MYCBP2: variants seen among roughly 807,000 people sequenced by gnomAD.
MYCBP2 encodes the protein E3 ubiquitin-protein ligase MYCBP2.
MYCBP2 carries 120 observed loss-of-function variants against 525.3 expected under a neutral mutation model. The ratio of observed to expected loss-of-function variants is 0.23; its 90% confidence interval spans 0.20 to 0.27. The LOEUF is 0.27. Among genes scored for constraint, MYCBP2 ranks in the 10% least tolerant of loss-of-function variants. The pLI is 1.00. For synonymous variants in MYCBP2, 1,894 were observed against 1,955.8 expected (o/e 0.97, Z 0.83); for missense variants, 4,149 against 5,657.1 (o/e 0.73, Z 8.55).
chr13:77,113,469 A>G (rs894021218), intron 55 of MYCBP2, among the ~76,000 whole-genome samples: 2 of 152,138 alleles, frequency 1.3e-5, no homozygotes, highest in Admixed American at 1.3e-4. Flanking sequence ...TAGATACTTA[A>G]CAAAAGCAGG....
chr13:77,146,407 A>G (rs2055560762), intron 47 of MYCBP2, among the ~76,000 whole-genome samples, 190 bp from the exon 48 acceptor site: 1 of 151,752 alleles, frequency 6.6e-6, no homozygotes, highest in African/African-American at 2.4e-5. Context: ...ATCCAAAAGT[A>G]AACACCAAAA....
intron 81 of MYCBP2, 59 bp from the exon 82 acceptor site, chr13:77,051,221 T>A: frequency 6.8e-7 from 1 of 1,470,228 alleles, no homozygotes; most frequent in Non-Finnish European, 9.2e-7. Flanking sequence ...CAATCACACT[T>A]AAGATAGGCA....
chr13:77,064,841 G>T, intron 72 of MYCBP2, 107 bp from the exon 73 acceptor site: 1 of 1,090,270 alleles, frequency 9.2e-7, no homozygotes, highest in Non-Finnish European at 1.2e-6. Flanking sequence ...TTTGTTTTTA[G>T]TGAGACCATG....
chr13:77,105,057 G>A (rs536699907), intron 55 of MYCBP2, among the ~76,000 whole-genome samples: 4 of 152,096 alleles, frequency 2.6e-5, no homozygotes, highest in Admixed American at 6.6e-5. Context: ...TTCAAGACAC[G>A]AACTAGAACG....
chr13:77,183,537 A>ATTTTTTTTTTTT (rs1595209357), intron 32 of MYCBP2, among the ~76,000 whole-genome samples: 1 of 22,874 alleles, frequency 4.4e-5, no homozygotes, highest in African/African-American at 1.2e-4. Flanking sequence ...GATAGTCCCT[A>ATTTTTTTTTTTT]TTTCTTTTTT....
intron 78 of MYCBP2, among the ~76,000 whole-genome samples, 182 bp from the exon 79 acceptor site, chr13:77,057,275 A>G (rs1183334172): frequency 6.6e-6 from 1 of 152,244 alleles, no homozygotes. Context: ...AAATTTCATT[A>G]CAGTAAATTG....
chr13:77,088,565 G>C lies in MYCBP2; in HGVS notation c.10725+267C>G, dbSNP rs569323985. 1.3e-4 allele frequency among the ~76,000 whole-genome samples: 20 copies of C among 151,740 alleles called. No homozygotes were observed. In the South Asian group the frequency reaches 4.2e-3, roughly 32 times the overall value. ...TAAAATGACATTCTGAGTATAAAAAGCTTTTAAAAAAAAGATAATCTCAAG... is the reference window on the plus strand; with the variant it reads ...TAAAATGACATTCTGAGTATAAAAACCTTTTAAAAAAAAGATAATCTCAAG... On this transcript the variant is annotated intron_variant, in intron 61 of 82. Transcript: ENST00000544440.
intron 21 of MYCBP2, among the ~76,000 whole-genome samples, chr13:77,214,704 T>C (rs1426942755): frequency 6.6e-6 from 1 of 152,088 alleles, no homozygotes; most frequent in Non-Finnish European, 1.5e-5. Context: ...ACGGTATATC[T>C]ACTACATACT....
In MYCBP2 at chr13:77,260,428, T is replaced by C; in HGVS notation, c.2017A>G (p.Ser673Gly). 6.4e-7 allele frequency: 1 copy of C among 1,565,734 alleles called. No homozygotes were observed. Among genetic ancestry groups the C allele is most frequent in the Non-Finnish European group, 8.6e-7 (1 of 1,164,080 alleles). ...AAAGTAAAACTTTTTATTAACTTAC[T>C]TGAACTATCAGAGTAAATGGCATCT... is the stretch of plus-strand genomic sequence containing the variant. ...GKDAIYSDSS[S>G]LVTDLKGHFV... The change falls in exon 13 of 83, where the codon AGT becomes GGT. Residue 673 changes from serine to glycine, a missense_variant and splice_region_variant. This residue lies in a region of MYCBP2 where 262 missense variants were observed against 419.3 expected (regional missense o/e 0.62). Transcript: ENST00000544440.
intron 55 of MYCBP2, among the ~76,000 whole-genome samples, chr13:77,106,752 C>T: frequency 6.7e-6 from 1 of 149,794 alleles, no homozygotes; most frequent in East Asian, 2.0e-4. Context: ...TTTTTCTTTC[C>T]AACTTTTATT....
Position 77,212,028 on chromosome 13 carries a change from G to T in MYCBP2, c.3190C>A (p.Arg1064=), listed in dbSNP as rs2064086449. 5 of 1,614,016 alleles carry T rather than the reference G, an allele frequency of 3.1e-6. No homozygotes were observed. The highest frequency in any genetic ancestry group is 4.2e-6 in the Non-Finnish European group (5 of 1,179,946). ...GAATTAATAAGTGCTTCATCAATTC[G>T]TAAAAAAGTTTGGTCCCCACTTGCA... ...IGASGDQTFL[R]IDEALINSHV... is the part of the protein sequence containing the mutation. Residue 1064 remains arginine (R), a synonymous_variant, in exon 22 of 83, where the codon CGA becomes AGA. Transcript: ENST00000544440.
chr13:77,278,274 G>A (rs1041464414), intron 4 of MYCBP2, among the ~76,000 whole-genome samples: 14 of 152,092 alleles, frequency 9.2e-5, no homozygotes, highest in African/African-American at 2.4e-4. Flanking sequence ...TAATAAGAAC[G>A]ATTTCAGTTA....
At chr13:77,231,193 G>A (rs947061022) in intron 18 of MYCBP2, among the ~76,000 whole-genome samples, 1 of 152,158 alleles carries the variant, frequency 6.6e-6, no homozygotes, top group African/African-American at 2.4e-5. Context: ...ATATTACAAA[G>A]TAGGTCCTTA....
chr13:77,255,650 TTTTC>T lies in MYCBP2; in HGVS notation c.2176+2017_2176+2020del, dbSNP rs758768194. ...TTTCCATTGTGAAGTAATCCATTTC[TTTTC>T]TTTCTTTTGTTCCTTCTTCATTTGC... On this transcript the variant is annotated intron_variant, in intron 14 of 82. Transcript: ENST00000544440. Among the ~76,000 whole-genome samples the T allele has an allele frequency of 6.2e-4, 95 of 152,088 alleles. 1 individual carries two copies. Among genetic ancestry groups the T allele is most frequent in the Non-Finnish European group, 1.1e-3 (78 of 67,844 alleles).
chr13:77,266,336 T>G (rs558063002), intron 8 of MYCBP2, among the ~76,000 whole-genome samples: 39 of 152,276 alleles, frequency 2.6e-4, no homozygotes, highest in African/African-American at 9.1e-4. Flanking sequence ...AAGGCTTTCA[T>G]TCTCAAACAT....
intron 74 of MYCBP2, 31 bp downstream of exon 74, chr13:77,062,564 CA>C: frequency 1.9e-6 from 3 of 1,567,534 alleles, no homozygotes; most frequent in Non-Finnish European, 2.6e-6. Flanking sequence ...TAAAGGAAAG[CA>C]AGATAAATTC....
rs1341077305 is a variant in MYCBP2, at chr13:77,098,617, T to A, written c.8537A>T (p.His2846Leu). The A allele has an allele frequency of 2.5e-6, 4 of 1,613,532 alleles. No individual in the cohort carries two copies. Among genetic ancestry groups the A allele is most frequent in the Non-Finnish European group, 3.4e-6 (4 of 1,179,790 alleles). Residue 2846 changes from histidine (H) to leucine (L), a missense_variant, in exon 56 of 83, where the codon CAT becomes CTT. Coordinates refer to ENST00000544440, the MANE Select transcript of MYCBP2 (RefSeq NM_015057.5). ...GASSPRSSSP[H>L]DKNLPQKSTA... ...ACTTTTTTGAGGTAGATTTTTATCATGTGGTGAGGAGGAGCGTGGAGAACT... is the reference window on the plus strand; with the variant it reads ...ACTTTTTTGAGGTAGATTTTTATCAAGTGGTGAGGAGGAGCGTGGAGAACT...
chr13:77,144,618 A>C (rs2055223534), intron 48 of MYCBP2, 58 bp from the exon 49 acceptor site: 2 of 1,084,676 alleles, frequency 1.8e-6, no homozygotes, highest in Middle Eastern at 2.0e-4. Flanking sequence ...AGTCAACATC[A>C]TTACGATAGT....
chr13:77,114,702 T>C (rs2049419494), intron 55 of MYCBP2, among the ~76,000 whole-genome samples: 1 of 152,200 alleles, frequency 6.6e-6, no homozygotes, highest in African/African-American at 2.4e-5. Context: ...ATATATCATA[T>C]ATTTCATGTT....
Sources: gnomAD v4.1 joint callset for allele counts (sites outside exome capture counted in the v4.1 genomes callset) on GRCh38, gnomAD v4.1.1 for gene constraint, gnomAD v4.1.1 regional missense constraint, MANE v1.5 for transcripts, NCBI Gene and HGNC (gene_info 2026-07-23, HGNC 2026-07-21) for gene names.